The following CCDC88C variants were observed in gnomAD, a reference collection of about 807,000 sequenced individuals.
CCDC88C encodes protein Daple.
Under a neutral mutation model 198.8 loss-of-function variants are expected in CCDC88C, and 131 were observed. That is an observed-to-expected ratio of 0.66 (90% CI 0.57 to 0.76). CCDC88C has a LOEUF of 0.76. Among genes scored for constraint, CCDC88C ranks in the 30% least tolerant of loss-of-function variants. The pLI, the probability that CCDC88C is intolerant of heterozygous loss-of-function variation, is 0.00. For synonymous variants in CCDC88C, 1,166 were observed against 1,114.7 expected (o/e 1.05, Z -0.92); for missense variants, 2,553 against 2,631.6 (o/e 0.97, Z 0.65).
chr14:91,359,771 T>C lies in CCDC88C; in HGVS notation c.271-60A>G, dbSNP rs377119252. On this transcript the variant is annotated intron_variant, in intron 3 of 29. Transcript: ENST00000389857. ...AACCGGAAACAAAAATAAAGAGGGA[T>C]TAAGTAAATTACAAGTAATGAAGCC... is the stretch of plus-strand genomic sequence containing the variant. The C allele has an allele frequency of 1.3e-4, 189 of 1,449,476 alleles. 1 individual carries two copies. Among genetic ancestry groups the C allele is most frequent in the Admixed American group, 1.9e-4 (10 of 51,910 alleles). The allele number at this position is 1,449,476 out of a possible 1,614,324, so 89.8% of individuals were successfully genotyped here.
intron 4 of CCDC88C, among the ~76,000 whole-genome samples, chr14:91,347,830 C>T (rs1893615457): frequency 6.6e-6 from 1 of 152,204 alleles, no homozygotes; most frequent in African/African-American, 2.4e-5. Context: ...CATCCCATTA[C>T]TGGGTATATA....
chr14:91,403,234 C>A (rs945298899), intron 3 of CCDC88C, among the ~76,000 whole-genome samples: 25 of 152,238 alleles, frequency 1.6e-4, no homozygotes, highest in African/African-American at 5.8e-4. Flanking sequence ...TAAGTCCCCA[C>A]ATCCATCCAA....
At chr14:91,388,041 G>C (rs1215200575) in intron 3 of CCDC88C, among the ~76,000 whole-genome samples, 3 of 152,190 alleles carry the variant, frequency 2.0e-5, no homozygotes, top group African/African-American at 7.2e-5. Flanking sequence ...TGCGGCTGGG[G>C]ATTCAGGTCC....
At chr14:91,400,515 C>T (rs1218414172) in intron 3 of CCDC88C, among the ~76,000 whole-genome samples, 7 of 152,366 alleles carry the variant, frequency 4.6e-5, no homozygotes, top group Non-Finnish European at 1.0e-4. Flanking sequence ...GCTGGACTCC[C>T]GGCCACAGCC....
chr14:91,357,483 C>T (rs531498557), intron 4 of CCDC88C, among the ~76,000 whole-genome samples: 13 of 152,330 alleles, frequency 8.5e-5, no homozygotes, highest in Non-Finnish European at 1.6e-4. Flanking sequence ...GCATTTGTAA[C>T]GCACGTTCAG....
chr14:91,326,370 G>A (rs1024402597), intron 10 of CCDC88C, among the ~76,000 whole-genome samples: 7 of 152,154 alleles, frequency 4.6e-5, no homozygotes, highest in Admixed American at 2.6e-4. Flanking sequence ...CTGCTATCGC[G>A]CCCGGCTAAT....
intron 10 of CCDC88C, among the ~76,000 whole-genome samples, chr14:91,330,107 A>AG (rs1244796866): frequency 6.6e-6 from 1 of 152,260 alleles, no homozygotes; most frequent in Non-Finnish European, 1.5e-5. Flanking sequence ...ACAGAGGACC[A>AG]GGGGTCAGTA....
intron 13 of CCDC88C, among the ~76,000 whole-genome samples, chr14:91,320,213 T>C (rs1217062957): frequency 6.6e-6 from 1 of 152,068 alleles, no homozygotes; most frequent in Admixed American, 6.5e-5. Context: ...GAACCAACCA[T>C]GTTATTAGAG....
Position 91,297,280 on chromosome 14 carries a change from G to A in CCDC88C, c.3966+25C>T, listed in dbSNP as rs375146169. ...CTTGGGGGACTCATCCCTGTCTCCC[G>A]AGGCTCCCCTGGCGCTGGCCTCACC... On this transcript the variant is annotated intron_variant, in intron 22 of 29. Coordinates refer to ENST00000389857, the MANE Select transcript of CCDC88C (RefSeq NM_001080414.4). 8.2e-5 allele frequency: 132 copies of A among 1,606,358 alleles called. No individual in the cohort carries two copies. In the East Asian group the frequency reaches 1.4e-3, roughly 17 times the overall value.
At chr14:91,310,706 G>A (rs992490288) in intron 15 of CCDC88C, among the ~76,000 whole-genome samples, 2 of 152,154 alleles carry the variant, frequency 1.3e-5, no homozygotes, top group African/African-American at 2.4e-5. Flanking sequence ...CACTGCACCC[G>A]GCCTTGGTCT....
rs1281867322 is a variant in CCDC88C, at chr14:91,371,785, A to G, written c.271-12074T>C. Among the ~76,000 whole-genome samples the G allele has an allele frequency of 1.3e-5, 2 of 152,186 alleles. No homozygotes were observed. The highest frequency in any genetic ancestry group is 2.9e-5 in the Non-Finnish European group (2 of 68,008). ...ACCCAGGCCCACAGGCACCTATGCC[A>G]GGGCAGGGCTGGGGCCACGCCACAC... is the stretch of plus-strand genomic sequence containing the variant. On this transcript the variant is annotated intron_variant, in intron 3 of 29. Coordinates refer to ENST00000389857, the MANE Select transcript of CCDC88C (RefSeq NM_001080414.4). This position sits in a 1 kb window ranked among gnomAD's most constrained non-coding sequence, Gnocchi z 4.2.
intron 4 of CCDC88C, among the ~76,000 whole-genome samples, chr14:91,355,312 G>A (rs1035309718): frequency 3.3e-5 from 5 of 152,166 alleles, no homozygotes; most frequent in South Asian, 2.1e-4. Flanking sequence ...GAAACAAGGC[G>A]AAGGACGCTC....
intron 29 of CCDC88C, among the ~76,000 whole-genome samples, chr14:91,274,653 A>G (rs1349584714): frequency 6.6e-6 from 1 of 152,164 alleles, no homozygotes; most frequent in Admixed American, 6.5e-5. Flanking sequence ...TGCTAGTTTG[A>G]CGCTACACAT....
chr14:91,278,893 T>TA (rs1266801446), intron 28 of CCDC88C, among the ~76,000 whole-genome samples: 1 of 120,612 alleles, frequency 8.3e-6, no homozygotes, highest in South Asian at 3.1e-4. Context: ...AATACACTTT[T>TA]TTTTTTTTTT....
intron 4 of CCDC88C, among the ~76,000 whole-genome samples, chr14:91,356,046 A>G (rs1056535261): frequency 6.6e-6 from 1 of 152,176 alleles, no homozygotes; most frequent in Non-Finnish European, 1.5e-5. Context: ...GTCAAAAAGC[A>G]CACACATGCC....
chr14:91,384,573 A>G (rs1006063189), intron 3 of CCDC88C: 3 of 463,358 alleles, frequency 6.5e-6, no homozygotes, highest in Non-Finnish European at 8.7e-6. Context: ...TAAACCAAAA[A>G]TTCTCAGGTG....
At chr14:91,287,636 CTTTTTTTTTTTTT>C (rs71120129) in intron 25 of CCDC88C, among the ~76,000 whole-genome samples, 3 of 75,630 alleles carry the variant, frequency 4.0e-5, no homozygotes, top group South Asian at 5.4e-4. Context: ...TGCACCAGGT[CTTTTTTTTTTTTT>C]TTTTTTTTTT....
At chr14:91,402,740 T>C (rs553326131) in intron 3 of CCDC88C, among the ~76,000 whole-genome samples, 80 of 152,276 alleles carry the variant, frequency 5.3e-4, no homozygotes, top group African/African-American at 1.9e-3. Flanking sequence ...TATGGAAAAA[T>C]AGAACCGTAT....
intron 3 of CCDC88C, among the ~76,000 whole-genome samples, chr14:91,400,409 G>C (rs981531149): frequency 6.6e-6 from 1 of 152,210 alleles, no homozygotes; most frequent in Non-Finnish European, 1.5e-5. Flanking sequence ...ATTCTGAACG[G>C]ACTGCAAACC....
Sources: gnomAD v4.1 joint callset for allele counts (sites outside exome capture counted in the v4.1 genomes callset) on GRCh38, gnomAD v4.1.1 for gene constraint, Gnocchi (gnomAD v3.1) non-coding constraint, MANE v1.5 for transcripts, NCBI Gene and HGNC (gene_info 2026-07-23, HGNC 2026-07-21) for gene names.